Variants in CDH7 observed in about 807,000 individuals in gnomAD.
CDH7 encodes cadherin-7.
A neutral mutation model predicts 71.8 loss-of-function variants in CDH7; 25 were observed. The observed-to-expected ratio is 0.35, with a 90% CI of 0.25 to 0.49. CDH7 has a LOEUF of 0.49. Ranked by LOEUF, CDH7 falls within the 20% of genes least tolerant of loss-of-function variation. CDH7 has a pLI of 0.99. For synonymous variants in CDH7, 381 were observed against 363.8 expected, an observed-to-expected ratio of 1.05 and a Z score of -0.54; for missense variants, 862 against 974.6, an observed-to-expected ratio of 0.88 and a Z score of 1.54.
chr18:65,757,044 GT>G (rs35923381), intron 1 of CDH7, among the ~76,000 whole-genome samples: 3,403 of 143,822 alleles, frequency 0.024, 82 homozygotes, highest in African/African-American at 0.063. Context: ...ATGCATAACA[GT>G]TTTTTTTTTT....
intron 6 of CDH7, among the ~76,000 whole-genome samples, chr18:65,842,522 G>A (rs1425344819): frequency 6.6e-6 from 1 of 151,570 alleles, no homozygotes; most frequent in African/African-American, 2.4e-5. Context: ...GTATATGTGT[G>A]TATATATGTG....
chr18:65,802,366 T>C (rs1260529426), intron 2 of CDH7, among the ~76,000 whole-genome samples: 1 of 152,200 alleles, frequency 6.6e-6, no homozygotes, highest in Non-Finnish European at 1.5e-5. Flanking sequence ...GACATGAAAT[T>C]ATTTGGTGAG....
In CDH7 at chr18:65,759,065, T is replaced by G. The variant is rs1026756779; in HGVS notation, c.-196-3582T>G. Among the ~76,000 whole-genome samples, 3 of 152,220 alleles carry G rather than the reference T, an allele frequency of 2.0e-5. No homozygotes were observed. The East Asian group carries it at 5.8e-4, about 29-fold the overall frequency. ...TGTTCTGTAACTCCCTTCTTTGATATGTTCTAGCTAATTTGATAAATCTCC... is the reference window on the plus strand; with the variant it reads ...TGTTCTGTAACTCCCTTCTTTGATAGGTTCTAGCTAATTTGATAAATCTCC... On this transcript the variant is annotated intron_variant, in intron 1 of 11. Coordinates refer to ENST00000397968, the MANE Select transcript of CDH7 (RefSeq NM_004361.5).
At position 65,781,424 on chromosome 18, in the gene CDH7, ATACATATAAAT is replaced by A. The variant is rs555420044; in HGVS notation, c.210+18379_210+18389del. On this transcript the variant is annotated intron_variant, in intron 2 of 11. Coordinates refer to ENST00000397968, the MANE Select transcript of CDH7 (RefSeq NM_004361.5). ...TTAAATAGCATGAAATAATCTGACCATACATATAAATTACATACAAATATATGCAAGCATAC... is the reference window on the plus strand; with the variant it reads ...TTAAATAGCATGAAATAATCTGACCATACATACAAATATATGCAAGCATAC... Among the ~76,000 whole-genome samples, 33 of 152,318 alleles carry A rather than the reference ATACATATAAAT, an allele frequency of 2.2e-4. No homozygotes were observed. The East Asian group carries it at 6.0e-3, about 28-fold the overall frequency.
intron 1 of CDH7, among the ~76,000 whole-genome samples, chr18:65,753,703 C>A (rs1374110084): frequency 6.6e-6 from 1 of 152,174 alleles, no homozygotes; most frequent in Non-Finnish European, 1.5e-5. Flanking sequence ...CAGCGTCTGA[C>A]AAGCAGAGCA....
chr18:65,790,947 A>G (rs984932772), intron 2 of CDH7, among the ~76,000 whole-genome samples: 3 of 152,236 alleles, frequency 2.0e-5, no homozygotes, highest in Admixed American at 2.0e-4. Context: ...TGAAATTCCT[A>G]TGAACAGTTG....
chr18:65,787,708 G>A (rs761449404), intron 2 of CDH7, among the ~76,000 whole-genome samples: 3 of 152,152 alleles, frequency 2.0e-5, no homozygotes, highest in Admixed American at 1.3e-4. Flanking sequence ...CTCTTCTCTC[G>A]GGTGAGAGAG....
At chr18:65,799,478 C>T (rs1452775336) in intron 2 of CDH7, among the ~76,000 whole-genome samples, 1 of 152,064 alleles carries the variant, frequency 6.6e-6, no homozygotes, top group Non-Finnish European at 1.5e-5. Context: ...GAGATCGAGA[C>T]CATCCTGGCT....
Position 65,809,707 on chromosome 18 carries a change from C to T in CDH7, c.214C>T (p.His72Tyr), listed in dbSNP as rs369254854. 31 of 1,610,396 alleles carry T rather than the reference C, an allele frequency of 1.9e-5. No individual in the cohort carries two copies. Among genetic ancestry groups the T allele is most frequent in the Non-Finnish European group, 2.5e-5 (30 of 1,177,266 alleles). The change falls in exon 3 of 12, where the codon CAC becomes TAC. Residue 72 changes from histidine to tyrosine, a missense_variant. His to Tyr is a moderately conservative substitution (Grantham distance 83, BLOSUM62 2). Coordinates refer to ENST00000397968, the MANE Select transcript of CDH7 (RefSeq NM_004361.5). The part of the protein sequence containing the change: ...GSDPLYVGKL[H>Y]SDVDKGDGSI... The stretch of plus-strand genomic sequence containing the variant: ...TCTCACATGAATTTTTCACCAGCTT[C>T]ACTCTGATGTTGATAAAGGAGATGG...
chr18:65,869,179 A>G (rs1228558890), intron 11 of CDH7, among the ~76,000 whole-genome samples: 1 of 150,662 alleles, frequency 6.6e-6, no homozygotes, highest in African/African-American at 2.4e-5. Flanking sequence ...CCTTGAATCA[A>G]TTTGTTTCTG....
intron 6 of CDH7, among the ~76,000 whole-genome samples, chr18:65,825,145 T>C (rs1912081494): frequency 6.6e-6 from 1 of 151,896 alleles, no homozygotes; most frequent in Admixed American, 6.6e-5. Flanking sequence ...GCCTTGACTA[T>C]TCCACTAATG....
At chr18:65,774,792 C>G (rs780325772) in intron 2 of CDH7, among the ~76,000 whole-genome samples, 8 of 152,040 alleles carry the variant, frequency 5.3e-5, no homozygotes, top group African/African-American at 9.7e-5. Flanking sequence ...TCATGAATAT[C>G]ACCATCTCTC....
intron 6 of CDH7, among the ~76,000 whole-genome samples, chr18:65,833,240 C>G (rs886840042): frequency 5.3e-5 from 8 of 152,148 alleles, no homozygotes; most frequent in Non-Finnish European, 8.8e-5. Context: ...TGTGGACTAC[C>G]TGGGGTTTAC....
chr18:65,794,195 T>C (rs1240089056), intron 2 of CDH7, among the ~76,000 whole-genome samples: 1 of 152,066 alleles, frequency 6.6e-6, no homozygotes, highest in Non-Finnish European at 1.5e-5. Flanking sequence ...TGTGGTAGTA[T>C]ATAAGATTAT....
intron 3 of CDH7, 81 bp from the exon 4 acceptor site, chr18:65,814,404 G>A: frequency 1.4e-6 from 2 of 1,449,144 alleles, no homozygotes; most frequent in Non-Finnish European, 1.9e-6. Context: ...AGCTTAATGT[G>A]GAATCAGTAA....
chr18:65,812,335 G>T (rs775243916), intron 3 of CDH7, among the ~76,000 whole-genome samples: 6 of 152,006 alleles, frequency 3.9e-5, no homozygotes, highest in Non-Finnish European at 7.4e-5. Flanking sequence ...TTTTCTTAGA[G>T]AATTATTTTC....
rs542943753 is a variant in CDH7, at chr18:65,832,918, G to A, written c.981+8087G>A. 3.8e-4 allele frequency among the ~76,000 whole-genome samples: 58 copies of A among 152,062 alleles called. 1 individual carries two copies. The highest frequency in any genetic ancestry group is 6.2e-4 in the South Asian group (3 of 4,824). The stretch of plus-strand genomic sequence containing the variant: ...TTTCTATAAAATGCATTACTATGGA[G>A]TTACTATAGAGTAAAAAAAATGAGC... On this transcript the variant is annotated intron_variant, in intron 6 of 11. Coordinates refer to ENST00000397968, the MANE Select transcript of CDH7 (RefSeq NM_004361.5).
Position 65,858,905 on chromosome 18 carries a change from G to C in CDH7, c.1373-20G>C. The C allele has an allele frequency of 6.2e-7, 1 of 1,607,682 alleles. No homozygotes were observed. Among genetic ancestry groups the C allele is most frequent in the Non-Finnish European group, 8.5e-7 (1 of 1,175,176 alleles). Reference sequence around the variant, plus strand: ...TAGATGGGCAAAGAGTAAATGATAAGACACTGTCTTATTTATTAGAGAATC... The same window carrying C: ...TAGATGGGCAAAGAGTAAATGATAACACACTGTCTTATTTATTAGAGAATC... On this transcript the variant is annotated intron_variant, in intron 8 of 11. Coordinates refer to ENST00000397968, the MANE Select transcript of CDH7 (RefSeq NM_004361.5).
chr18:65,859,920 T>A (rs1289665909), intron 10 of CDH7, 95 bp downstream of exon 10: 4 of 734,382 alleles, frequency 5.4e-6, no homozygotes, highest in East Asian at 2.6e-5. Flanking sequence ...GGATTTTTTT[T>A]AAAGCAAGGA....
Sources: allele counts gnomAD v4.1 joint callset (sites outside exome capture counted in the v4.1 genomes callset), GRCh38; gene constraint gnomAD v4.1.1; transcripts MANE v1.5; gene names NCBI Gene and HGNC (gene_info 2026-07-23, HGNC 2026-07-21).